DEAF1: variants seen among roughly 807,000 people sequenced by gnomAD.
DEAF1 encodes the protein DEAF1 transcription factor.
DEAF1 carries 53 observed loss-of-function variants against 58.9 expected under a neutral mutation model. The ratio of observed to expected loss-of-function variants is 0.90; its 90% CI spans 0.72 to 1.13. The LOEUF (loss-of-function observed/expected upper bound fraction) is 1.13. DEAF1 is among the 50% of genes most tolerant of loss of function. The probability of loss-of-function intolerance (pLI) is 0.00; values close to 1 mark genes in which losing one functional copy is unlikely to be tolerated. For synonymous variants in DEAF1, 385 were observed against 340.4 expected (o/e 1.13, Z -1.44); for missense variants, 685 against 791.4 (o/e 0.87, Z 1.61).
intron 6 of DEAF1, among the ~76,000 whole-genome samples, chr11:681,665 C>A (rs1287011978): frequency 6.6e-6 from 1 of 152,094 alleles, no homozygotes; most frequent in Non-Finnish European, 1.5e-5. Flanking sequence ...CCACCTCGGC[C>A]TCCCAAAGTG....
At chr11:704,200 T>G in intron 1 of DEAF1, 1 of 1,017,258 alleles carries the variant, frequency 9.8e-7, no homozygotes, top group Non-Finnish European at 1.3e-6. Context: ...CACACCCCAC[T>G]TGCCAGCTGG....
intron 1 of DEAF1, chr11:704,064 C>T (rs1413348766): frequency 4.4e-6 from 5 of 1,138,206 alleles, no homozygotes; most frequent in Non-Finnish European, 5.4e-6. Context: ...ATAATTACAC[C>T]CAAATATCTA....
chr11:649,459 C>T (rs1380224927), intron 11 of DEAF1, among the ~76,000 whole-genome samples: 5 of 151,320 alleles, frequency 3.3e-5, no homozygotes, highest in East Asian at 2.0e-4. Flanking sequence ...GTGGCTCACA[C>T]CTATAATCCC....
Position 688,028 on chromosome 11 carries a change from G to T in DEAF1, c.547C>A (p.Pro183Thr). ...TTAGTTCCACCTTTTTCTTGGCCGG[G>T]AGCCAGAGGGGTTGGAGGAGACTGA... is the stretch of plus-strand genomic sequence containing the variant. ...GPQSPPTPLA[P>T]GQEKGGTKYN... The change falls in exon 4 of 12, where the codon CCC becomes ACC. Residue 183 changes from proline to threonine, a missense_variant. Physicochemically the swap from Pro to Thr is conservative, Grantham distance 38. This residue lies in a region of DEAF1 where 132 missense variants were observed against 234.3 expected (regional missense o/e 0.56). Transcript: ENST00000382409. This position sits in a 1 kb window ranked among gnomAD's most constrained non-coding sequence, Gnocchi z 4.3. The T allele has an allele frequency of 1.2e-6, 2 of 1,614,052 alleles. No individual in the cohort carries two copies. Among genetic ancestry groups the T allele is most frequent in the South Asian group, 2.2e-5 (2 of 91,074 alleles).
intron 1 of DEAF1, among the ~76,000 whole-genome samples, chr11:692,708 C>T (rs969089969): frequency 6.6e-6 from 1 of 152,136 alleles, no homozygotes; most frequent in Non-Finnish European, 1.5e-5. Flanking sequence ...CAAAATTAGC[C>T]GGGCGTGGTG....
chr11:654,232 G>A (rs11601654), intron 10 of DEAF1, among the ~76,000 whole-genome samples, 181 bp from the exon 11 acceptor site: 12,395 of 143,282 alleles, frequency 0.087, 690 homozygotes, highest in Admixed American at 0.19. Flanking sequence ...GCCGTGGTGC[G>A]ATCTCAGCTC....
intron 7 of DEAF1, chr11:680,112 A>C: frequency 2.2e-6 from 1 of 455,346 alleles, no homozygotes; most frequent in South Asian, 2.4e-5. Flanking sequence ...TAAAACTTTC[A>C]GTGATTTTTA....
intron 10 of DEAF1, among the ~76,000 whole-genome samples, chr11:666,897 A>G (rs12804196): frequency 6.2e-4 from 92 of 149,312 alleles, no homozygotes; most frequent in Admixed American, 1.1e-3. Context: ...AAAAAAAAAA[A>G]GAAAAAAAGA....
chr11:700,856 C>A, intron 1 of DEAF1: 1 of 752,840 alleles, frequency 1.3e-6, no homozygotes, highest in Non-Finnish European at 2.4e-6. Flanking sequence ...GCTCACCTTA[C>A]AGTGTCATTA....
intron 5 of DEAF1, among the ~76,000 whole-genome samples, chr11:685,621 G>A (rs1860561441): frequency 6.6e-6 from 1 of 152,130 alleles, no homozygotes; most frequent in South Asian, 2.1e-4. Context: ...CTTGAACCCG[G>A]GAGGCAGAGG....
intron 1 of DEAF1, among the ~76,000 whole-genome samples, chr11:701,758 T>C (rs866050313): frequency 1.6e-4 from 25 of 152,222 alleles, no homozygotes; most frequent in Middle Eastern, 3.4e-3. Flanking sequence ...ACTCTTGGGC[T>C]CAAGCAATCT....
upstream of DEAF1, among the ~76,000 whole-genome samples, chr11:696,767 CAAAAA>C (rs61034313): frequency 3.0e-3 from 352 of 116,084 alleles, no homozygotes; most frequent in South Asian, 6.8e-3. Context: ...CCCCCTTCTA[CAAAAA>C]AAAAATTAAA....
chr11:668,274 G>C (rs1034211948), intron 10 of DEAF1, among the ~76,000 whole-genome samples: 4 of 152,120 alleles, frequency 2.6e-5, no homozygotes, highest in African/African-American at 9.7e-5. Context: ...TTAGGTTGAA[G>C]AAAAACAAGA....
intron 1 of DEAF1, among the ~76,000 whole-genome samples, chr11:692,997 C>T (rs2133426853): frequency 6.6e-6 from 1 of 152,362 alleles, no homozygotes; most frequent in South Asian, 2.1e-4. Flanking sequence ...AGGCCCATGG[C>T]AGCCCTGGGA....
intron 10 of DEAF1, among the ~76,000 whole-genome samples, chr11:672,852 A>T (rs1433519117): frequency 6.6e-6 from 1 of 152,084 alleles, no homozygotes; most frequent in Non-Finnish European, 1.5e-5. Flanking sequence ...CGTCTCAAAA[A>T]AAAAAATTTT....
At chr11:704,457 G>A in intron 1 of DEAF1, 12 of 1,289,332 alleles carry the variant, frequency 9.3e-6, no homozygotes, top group Non-Finnish European at 1.2e-5. Context: ...ACGGTGAGCT[G>A]CAGGACAGCC....
At chr11:698,433 TC>T (rs1298681930), upstream of DEAF1, among the ~76,000 whole-genome samples, 1 of 152,250 alleles carries the variant, frequency 6.6e-6, no homozygotes, top group East Asian at 1.9e-4. Context: ...AAATGTCTCA[TC>T]AATCATGAAA....
chr11:659,771 G>C (rs756934682), intron 10 of DEAF1, among the ~76,000 whole-genome samples: 1 of 152,180 alleles, frequency 6.6e-6, no homozygotes, highest in Non-Finnish European at 1.5e-5. Context: ...TGAAGCAGCC[G>C]CCTAATTCCA....
At chr11:699,202 A>G (rs1204354995), upstream of DEAF1, 4 of 448,746 alleles carry the variant, frequency 8.9e-6, no homozygotes, top group East Asian at 1.4e-4. Context: ...CTTTGTCCCT[A>G]GATTCATTTT....
Sources: gnomAD v4.1 joint callset for allele counts (sites outside exome capture counted in the v4.1 genomes callset) on GRCh38, gnomAD v4.1.1 for gene constraint, gnomAD v4.1.1 regional missense constraint, Gnocchi (gnomAD v3.1) non-coding constraint, MANE v1.5 for transcripts, NCBI Gene and HGNC (gene_info 2026-07-23, HGNC 2026-07-21) for gene names.